The following PGM5 variants were observed in gnomAD, a reference collection of about 807,000 sequenced individuals.
PGM5 encodes phosphoglucomutase 5.
PGM5 carries 23 observed loss-of-function variants against 59.2 expected under a neutral mutation model. The ratio of observed to expected loss-of-function variants is 0.39; its 90% confidence interval spans 0.28 to 0.55. The LOEUF (loss-of-function observed/expected upper bound fraction) is 0.55. PGM5 is among the 20% of genes least tolerant of loss of function. PGM5 has a pLI of 0.66. For synonymous variants in PGM5, 214 were observed against 286.0 expected (o/e 0.75, Z 2.54); for missense variants, 574 against 748.3 (o/e 0.77, Z 2.72).
intron 4 of PGM5, among the ~76,000 whole-genome samples, chr9:68,389,400 C>T (rs1259166649): frequency 6.6e-6 from 1 of 152,030 alleles, no homozygotes; most frequent in Non-Finnish European, 1.5e-5. Flanking sequence ...TGTAGTCAAA[C>T]CTCTCCCCTT....
At chr9:68,377,070 G>T (rs1180975535) in intron 1 of PGM5, among the ~76,000 whole-genome samples, 2 of 151,816 alleles carry the variant, frequency 1.3e-5, no homozygotes, top group Admixed American at 6.6e-5. Context: ...GGGACTACAG[G>T]CGTGCACCAC....
At chr9:68,455,088 G>C (rs1011810575) in intron 6 of PGM5, among the ~76,000 whole-genome samples, 1 of 152,162 alleles carries the variant, frequency 6.6e-6, no homozygotes, top group African/African-American at 2.4e-5. Flanking sequence ...TCGTCTTCTC[G>C]GAACCATGCA....
At chr9:68,365,836 T>G (rs1190189530) in intron 1 of PGM5, among the ~76,000 whole-genome samples, 1 of 152,196 alleles carries the variant, frequency 6.6e-6, no homozygotes, top group Non-Finnish European at 1.5e-5. Context: ...TTTATTCTAC[T>G]TGACCAAACA....
intron 1 of PGM5, among the ~76,000 whole-genome samples, chr9:68,366,636 T>A (rs1371977728): frequency 0.1 from 9,659 of 95,150 alleles, no homozygotes; most frequent in African/African-American, 0.13. Context: ...ACCTTCAAAA[T>A]TAAAATGATA....
At chr9:68,377,620 A>T (rs1821955538) in intron 1 of PGM5, among the ~76,000 whole-genome samples, 1 of 152,176 alleles carries the variant, frequency 6.6e-6, no homozygotes, top group Admixed American at 6.5e-5. Context: ...GCTTAGCATG[A>T]CTGGGTAATT....
At chr9:68,415,801 A>ATCTATCTATCTC (rs1823015718) in intron 6 of PGM5, among the ~76,000 whole-genome samples, 1 of 118,246 alleles carries the variant, frequency 8.5e-6, no homozygotes, top group Admixed American at 9.5e-5. Flanking sequence ...CTATCTATCT[A>ATCTATCTATCTC]TCTATCTATC....
intron 9 of PGM5, among the ~76,000 whole-genome samples, chr9:68,490,725 T>G (rs1426968773): frequency 6.6e-6 from 1 of 152,228 alleles, no homozygotes; most frequent in African/African-American, 2.4e-5. Flanking sequence ...AATTTATCCT[T>G]GTCCCTTTTG....
intron 6 of PGM5, among the ~76,000 whole-genome samples, chr9:68,460,436 G>T (rs1258117083): frequency 2.0e-5 from 3 of 152,038 alleles, no homozygotes; most frequent in Non-Finnish European, 2.9e-5. Context: ...CCATCAGACT[G>T]GTCAGATAAA....
At position 68,408,947 on chromosome 9, in the gene PGM5, G is replaced by A. The variant is rs201562011; in HGVS notation, c.1043+16474G>A. On this transcript the variant is annotated intron_variant, in intron 6 of 10. Transcript: ENST00000396396. Reference sequence around the variant, plus strand: ...TCCATTGATCTATATCTCTGTTTTGGTACCAGTACCATGCTGTTTTGGTTA... The same window carrying A: ...TCCATTGATCTATATCTCTGTTTTGATACCAGTACCATGCTGTTTTGGTTA... Among the ~76,000 whole-genome samples the A allele has an allele frequency of 3.1e-4, 47 of 151,946 alleles. 1 individual carries two copies. In the East Asian group the frequency reaches 4.5e-3, roughly 14 times the overall value.
intron 1 of PGM5, among the ~76,000 whole-genome samples, chr9:68,359,372 G>A (rs1834533419): frequency 6.6e-6 from 1 of 152,184 alleles, no homozygotes; most frequent in Non-Finnish European, 1.5e-5. Flanking sequence ...TAAATAATCT[G>A]AAAGTACTAC....
At chr9:68,504,837 G>A (rs537513335) in intron 10 of PGM5, among the ~76,000 whole-genome samples, 2 of 152,204 alleles carry the variant, frequency 1.3e-5, no homozygotes, top group Admixed American at 6.5e-5. Context: ...AATGCCCAAC[G>A]CAGTTTTGCC....
intron 4 of PGM5, among the ~76,000 whole-genome samples, chr9:68,389,245 A>G (rs1822305447): frequency 1.3e-5 from 2 of 152,112 alleles, no homozygotes. Flanking sequence ...ACTTAGGTTT[A>G]CTGAGGTATA....
chr9:68,506,904 G>C (rs1824666550), intron 10 of PGM5, among the ~76,000 whole-genome samples: 1 of 151,908 alleles, frequency 6.6e-6, no homozygotes, highest in Non-Finnish European at 1.5e-5. Flanking sequence ...CCTGGTTTTG[G>C]GTCAAGTTTG....
chr9:68,505,790 G>A lies in PGM5; in HGVS notation c.1614+6429G>A, dbSNP rs183483735. 1.3e-3 allele frequency among the ~76,000 whole-genome samples: 199 copies of A among 152,318 alleles called. 1 individual carries two copies. Among genetic ancestry groups the A allele is most frequent in the Non-Finnish European group, 2.3e-3 (157 of 68,032 alleles). On this transcript the variant is annotated intron_variant, in intron 10 of 10. Transcript: ENST00000396396. ...GAGTTTTCACTAGGTAATTATGGTT[G>A]ATTAAATCATTGGCCCTTGGCGGTT... is the stretch of plus-strand genomic sequence containing the variant.
intron 6 of PGM5, among the ~76,000 whole-genome samples, chr9:68,451,866 G>A (rs1823703041): frequency 6.6e-6 from 1 of 152,124 alleles, no homozygotes; most frequent in Admixed American, 6.6e-5. Flanking sequence ...ACATACCAAG[G>A]GGGCATTATT....
chr9:68,444,506 G>A (rs1168140323), intron 6 of PGM5, among the ~76,000 whole-genome samples: 1 of 152,216 alleles, frequency 6.6e-6, no homozygotes, highest in Non-Finnish European at 1.5e-5. Context: ...CTAGGTGGTA[G>A]GAATTATGTA....
chr9:68,379,151 A>T (rs1554678110), intron 2 of PGM5, among the ~76,000 whole-genome samples: 8 of 152,142 alleles, frequency 5.3e-5, no homozygotes. Flanking sequence ...CCTGAAAACT[A>T]ATCTATAGTC....
intron 1 of PGM5, among the ~76,000 whole-genome samples, chr9:68,359,853 AT>A (rs1299163525): frequency 2.0e-5 from 3 of 152,004 alleles, no homozygotes; most frequent in Non-Finnish European, 2.9e-5. Flanking sequence ...ATTAAATTTC[AT>A]TTTTTTTGAG....
chr9:68,439,773 G>A (rs957113418), intron 6 of PGM5, among the ~76,000 whole-genome samples: 2 of 151,104 alleles, frequency 1.3e-5, no homozygotes, highest in Non-Finnish European at 2.9e-5. Flanking sequence ...AGTAAATAAA[G>A]CCCCAACTTT....
Sources: allele counts gnomAD v4.1 joint callset (sites outside exome capture counted in the v4.1 genomes callset), GRCh38; gene constraint gnomAD v4.1.1; transcripts MANE v1.5; gene names NCBI Gene and HGNC (gene_info 2026-07-23, HGNC 2026-07-21).